Variants in MAST4 observed in about 807,000 individuals in gnomAD.
MAST4 encodes the protein microtubule associated serine/threonine kinase family member 4.
Under a neutral mutation model 162.7 loss-of-function variants are expected in MAST4, and 89 were observed. That is an observed-to-expected ratio of 0.55 (90% confidence interval 0.46 to 0.65). The LOEUF (loss-of-function observed/expected upper bound fraction) is 0.65. Among genes scored for constraint, MAST4 ranks in the 30% least tolerant of loss-of-function variants. The pLI is 0.00. For missense variants in MAST4, 3,153 were observed against 3,374.0 expected (o/e 0.93, Z 1.62); for synonymous variants, 1,479 against 1,361.1 (o/e 1.09, Z -1.91).
At chr5:66,672,111 A>T (rs1469300719) in intron 1 of MAST4, among the ~76,000 whole-genome samples, 1 of 152,224 alleles carries the variant, frequency 6.6e-6, no homozygotes, top group Non-Finnish European at 1.5e-5. Flanking sequence ...GCTGCTGTGA[A>T]TCCAAACCAT....
At chr5:66,835,220 G>T (rs1283007647) in intron 3 of MAST4, among the ~76,000 whole-genome samples, 3 of 151,962 alleles carry the variant, frequency 2.0e-5, no homozygotes, top group Non-Finnish European at 2.9e-5. Context: ...CTTATATTAG[G>T]CCCACATAAT....
At chr5:66,737,795 C>T (rs1244332171) in intron 1 of MAST4, among the ~76,000 whole-genome samples, 2 of 152,216 alleles carry the variant, frequency 1.3e-5, no homozygotes, top group Admixed American at 6.5e-5. Context: ...CTCTTGACTT[C>T]GATCAATCAG....
At chr5:66,960,227 A>G (rs542231309) in intron 4 of MAST4, among the ~76,000 whole-genome samples, 1 of 152,218 alleles carries the variant, frequency 6.6e-6, no homozygotes, top group African/African-American at 2.4e-5. Flanking sequence ...CTGAGGATTT[A>G]TTATTCCTCT....
rs1005178523 is a variant in MAST4, at chr5:66,896,373, A to G, written c.643-3578A>G. ...ACCACTGATGATGTTAACCTTGATC[A>G]CTCAGTTACAGTGGTATCTGTGGGT... On this transcript the variant is annotated intron_variant, in intron 3 of 28. Coordinates refer to ENST00000403625, the MANE Select transcript of MAST4 (RefSeq NM_001164664.2). 2.6e-5 allele frequency among the ~76,000 whole-genome samples: 4 copies of G among 152,100 alleles called. No homozygotes were observed. In the East Asian group the frequency reaches 7.7e-4, roughly 29 times the overall value.
chr5:66,627,553 G>T (rs1744517535), intron 1 of MAST4, among the ~76,000 whole-genome samples: 1 of 152,160 alleles, frequency 6.6e-6, no homozygotes, highest in Non-Finnish European at 1.5e-5. Context: ...TTGTGTTCGT[G>T]TGAGAATTTT....
At chr5:66,818,274 G>A (rs544887943) in intron 3 of MAST4, among the ~76,000 whole-genome samples, 171 of 152,152 alleles carry the variant, frequency 1.1e-3, no homozygotes, top group Non-Finnish European at 9.4e-4. Flanking sequence ...ACTAAGAGAC[G>A]GAGAAAGGCA....
chr5:67,142,020 A>G, intron 19 of MAST4, 95 bp from the exon 20 acceptor site: 1 of 1,256,182 alleles, frequency 8.0e-7, no homozygotes, highest in Non-Finnish European at 1.1e-6. Context: ...CTTTGCTGAT[A>G]TGTTCTCAAA....
chr5:67,006,241 C>T (rs1385650786), intron 4 of MAST4, among the ~76,000 whole-genome samples: 1 of 152,198 alleles, frequency 6.6e-6, no homozygotes, highest in Admixed American at 6.5e-5. Context: ...GTCATATTTG[C>T]TTTTTGATGC....
chr5:67,054,846 A>G (rs911753094), intron 5 of MAST4, among the ~76,000 whole-genome samples: 7 of 152,344 alleles, frequency 4.6e-5, no homozygotes, highest in African/African-American at 1.7e-4. Context: ...ACTGTTCAGC[A>G]TATTTCTCCC....
chr5:67,053,041 A>G (rs1298882739), intron 4 of MAST4, among the ~76,000 whole-genome samples: 1 of 152,222 alleles, frequency 6.6e-6, no homozygotes, highest in African/African-American at 2.4e-5. Flanking sequence ...ACCCACCTTC[A>G]TAATTAAATA....
chr5:67,142,104 C>T lies in MAST4; in HGVS notation c.2495-11C>T, dbSNP rs765563658. 1.9e-6 allele frequency: 3 copies of T among 1,612,814 alleles called. No homozygotes were observed. Among genetic ancestry groups the T allele is most frequent in the Non-Finnish European group, 1.7e-6 (2 of 1,178,964 alleles). ...ACACTTTCCTCTCTGTCTCTACCTG[C>T]CCCCTTCCAGGTGGTGCATATGAAG... On this transcript the variant is annotated splice_polypyrimidine_tract_variant and intron_variant, in intron 19 of 28. Transcript: ENST00000403625.
At position 67,069,313 on chromosome 5, in the gene MAST4, A is replaced by ATATATATATATATATATATATATAT. The variant is rs1230619144; in HGVS notation, c.763+14821_763+14822insTATATATATATATATATATATATAT. Among the ~76,000 whole-genome samples, 134 of 65,210 alleles carry ATATATATATATATATATATATATAT rather than the reference A, an allele frequency of 2.1e-3. 3 individuals carry two copies. The highest frequency in any genetic ancestry group is 3.0e-3 in the South Asian group (7 of 2,302). The allele number at this position is 65,210 out of a possible 152,430, so 42.8% of individuals were successfully genotyped here. On this transcript the variant is annotated intron_variant, in intron 5 of 28. Coordinates refer to ENST00000403625, the MANE Select transcript of MAST4 (RefSeq NM_001164664.2). ...ATATATATATATATATATATATATA[A>ATATATATATATATATATATATATAT]AATTTTAAAATATTCCTTCTAAGGC... is the stretch of plus-strand genomic sequence containing the variant.
intron 23 of MAST4, among the ~76,000 whole-genome samples, chr5:67,148,620 G>T (rs1771390471): frequency 6.6e-6 from 1 of 152,184 alleles, no homozygotes; most frequent in Non-Finnish European, 1.5e-5. Context: ...TAAAAGTAAA[G>T]AAGGTGTGGT....
intron 1 of MAST4, among the ~76,000 whole-genome samples, chr5:66,684,296 A>G (rs1468328333): frequency 6.6e-6 from 1 of 152,216 alleles, no homozygotes; most frequent in African/African-American, 2.4e-5. Context: ...ATTAGAGGAA[A>G]GGGAAGGAAT....
intron 4 of MAST4, among the ~76,000 whole-genome samples, chr5:67,011,572 C>G (rs1208022732): frequency 3.3e-5 from 5 of 152,166 alleles, no homozygotes; most frequent in Non-Finnish European, 5.9e-5. Context: ...CCGCCTCTCC[C>G]CCAGCCTGGT....
chr5:67,166,619 C>T lies in MAST4; in HGVS notation c.7440C>T (p.Ser2480=), dbSNP rs368465061. The T allele has an allele frequency of 1.9e-6, 3 of 1,601,036 alleles. No homozygotes were observed. The highest frequency in any genetic ancestry group is 2.6e-6 in the Non-Finnish European group (3 of 1,174,216). Residue 2480 remains serine, a synonymous_variant, in exon 29 of 29, where the codon AGC becomes AGT. Transcript: ENST00000403625. ...TTAGAGAGGCCTCTGCAGCCAGCAGCGACACCTCTTCTGCCAAGGCCGCCG... is the reference window on the plus strand; with the variant it reads ...TTAGAGAGGCCTCTGCAGCCAGCAGTGACACCTCTTCTGCCAAGGCCGCCG... ...AGVREASAAS[S]DTSSAKAAGG...
chr5:67,160,406 C>A, intron 26 of MAST4, 50 bp from the exon 27 acceptor site: 1 of 1,561,896 alleles, frequency 6.4e-7, no homozygotes, highest in Non-Finnish European at 8.7e-7. Flanking sequence ...CTGTTCTGAT[C>A]TTGCTTCATC....
chr5:67,062,339 A>G (rs1045018791), intron 5 of MAST4, among the ~76,000 whole-genome samples: 60 of 152,220 alleles, frequency 3.9e-4, no homozygotes, highest in African/African-American at 1.4e-3. Context: ...CGGAGGCTGC[A>G]GTGAGCCGAG....
At chr5:67,120,325 C>T (rs185534554) in intron 13 of MAST4, among the ~76,000 whole-genome samples, 1 of 152,236 alleles carries the variant, frequency 6.6e-6, no homozygotes, top group East Asian at 1.9e-4. Flanking sequence ...GGGTTTCTTC[C>T]AAAACAATAG....
Sources: allele counts gnomAD v4.1 joint callset (sites outside exome capture counted in the v4.1 genomes callset), GRCh38; gene constraint gnomAD v4.1.1; transcripts MANE v1.5; gene names NCBI Gene and HGNC (gene_info 2026-07-23, HGNC 2026-07-21).